EML6: variants seen among roughly 807,000 people sequenced by gnomAD.
EML6 encodes the protein EMAP like 6, also known as echinoderm microtubule-associated protein-like 6.
In EML6, 154 loss-of-function variants were observed where a neutral mutation model predicts 240.1. The ratio of observed to expected loss-of-function variants is 0.64; its 90% CI spans 0.56 to 0.73. EML6 has a LOEUF of 0.73. EML6 is among the 30% of genes least tolerant of loss of function. EML6 has a pLI of 0.00. For missense variants in EML6, 2,964 were observed against 2,474.6 expected (o/e 1.20, Z -4.20); for synonymous variants, 1,148 against 899.0 (o/e 1.28, Z -4.95).
At position 54,859,643 on chromosome 2, in the gene EML6, C is replaced by A; in HGVS notation, c.1767C>A (p.Phe589Leu). The change falls in exon 12 of 42, where the codon TTC (phenylalanine) becomes TTA (leucine). Residue 589 changes from phenylalanine (F) to leucine (L), a missense_variant. Physicochemically the swap from Phe to Leu is conservative, Grantham distance 22. Coordinates refer to ENST00000356458, the MANE Select transcript of EML6 (RefSeq NM_001039753.4). Reference protein sequence around the residue: ...LSTGGADHSVFQWRFIPEGVS... With the variant: ...LSTGGADHSVLQWRFIPEGVS... ...CAGGAGGGGCTGATCACTCAGTTTT[C>A]CAGTGGAGGTTTATTCCAGAAGGTG... 1 of 1,551,276 alleles carries A rather than the reference C, an allele frequency of 6.4e-7. No individual in the cohort carries two copies.
At chr2:54,814,809 T>C (rs542187536) in intron 3 of EML6, among the ~76,000 whole-genome samples, 1 of 152,248 alleles carries the variant, frequency 6.6e-6, no homozygotes, top group African/African-American at 2.4e-5. Context: ...ACTAGATTTA[T>C]TACATATGTA....
At chr2:54,840,262 C>G (rs150176824) in intron 7 of EML6, among the ~76,000 whole-genome samples, 1,739 of 151,150 alleles carry the variant, frequency 0.012, 26 homozygotes, top group African/African-American at 0.039. Context: ...GCCATGGATT[C>G]CAGACCTGCC....
At chr2:54,755,558 CT>C (rs1244928046) in intron 2 of EML6, among the ~76,000 whole-genome samples, 3 of 152,172 alleles carry the variant, frequency 2.0e-5, no homozygotes, top group Non-Finnish European at 4.4e-5. Context: ...TCTTATCCAT[CT>C]TTTGATGTTC....
At position 54,748,273 on chromosome 2, in the gene EML6, G is replaced by T. The variant is rs551656260; in HGVS notation, c.197+23015G>T. 5 of 152,242 alleles carry T rather than the reference G, an allele frequency of 3.3e-5. No homozygotes were observed. In the South Asian group the frequency reaches 1.0e-3, roughly 32 times the overall value. 9.4% of individuals were successfully genotyped at this position (152,242 alleles called of 1,614,324 possible). A position where few individuals can be genotyped will look rare whatever the true frequency, so the allele number is the denominator to read the frequency against. On this transcript the variant is annotated intron_variant, in intron 2 of 41. Transcript: ENST00000356458. Reference sequence around the variant, plus strand: ...CGAAAAGATTTGCCCCAGTACCTTTGGTGGGCATAATTTTTATATGATTCT... The same window carrying T: ...CGAAAAGATTTGCCCCAGTACCTTTTGTGGGCATAATTTTTATATGATTCT...
At chr2:54,793,225 C>T (rs1010864370) in intron 2 of EML6, among the ~76,000 whole-genome samples, 2 of 152,120 alleles carry the variant, frequency 1.3e-5, no homozygotes, top group African/African-American at 4.8e-5. Context: ...CAAATTTGCA[C>T]CACTGCATTC....
chr2:54,836,132 G>A lies in EML6; in HGVS notation c.847+6655G>A, dbSNP rs146649477. Among the ~76,000 whole-genome samples the A allele has an allele frequency of 3.7e-3, 570 of 152,294 alleles. 3 individuals are homozygous for A. Among genetic ancestry groups the A allele is most frequent in the African/African-American group, 0.013 (551 of 41,554 alleles). On this transcript the variant is annotated intron_variant, in intron 7 of 41. Transcript: ENST00000356458. ...TGCAGAGGCCCGAGCCTCAGGAGCT[G>A]GAGACAGATTTGCAGCCAGGAGATG...
chr2:54,827,536 T>G, intron 5 of EML6, 30 bp from the exon 6 acceptor site: 35 of 1,516,338 alleles, frequency 2.3e-5, no homozygotes, highest in Non-Finnish European at 2.9e-5. Flanking sequence ...TACTCTATCT[T>G]GGAGATCTAT....
At chr2:54,954,499 C>T (rs375501604) in intron 32 of EML6, among the ~76,000 whole-genome samples, 9 of 152,200 alleles carry the variant, frequency 5.9e-5, no homozygotes, top group African/African-American at 1.4e-4. Flanking sequence ...CCTTGTCTTC[C>T]GTGCTCTTTC....
At chr2:54,793,403 T>TTTG (rs1553379256) in intron 2 of EML6, among the ~76,000 whole-genome samples, 18 of 146,326 alleles carry the variant, frequency 1.2e-4, no homozygotes, top group Non-Finnish European at 2.1e-4. Flanking sequence ...TTTTTTTTTT[T>TTTG]GGGTCCCAGC....
intron 5 of EML6, among the ~76,000 whole-genome samples, chr2:54,821,274 C>A (rs530162415): frequency 6.6e-6 from 1 of 152,070 alleles, no homozygotes; most frequent in African/African-American, 2.4e-5. Context: ...TTTCACGATC[C>A]TTCCCATTAG....
intron 16 of EML6, among the ~76,000 whole-genome samples, chr2:54,874,268 G>A (rs981196791): frequency 6.6e-6 from 1 of 152,152 alleles, no homozygotes; most frequent in African/African-American, 2.4e-5. Context: ...GAAAGAACAA[G>A]AAATTAAGTG....
intron 26 of EML6, among the ~76,000 whole-genome samples, chr2:54,925,778 T>G (rs1383549688): frequency 6.6e-6 from 1 of 152,170 alleles, no homozygotes; most frequent in Non-Finnish European, 1.5e-5. Flanking sequence ...CAAATTCTGT[T>G]TTTTGACACC....
chr2:54,906,464 C>T (rs1287553661), intron 24 of EML6, among the ~76,000 whole-genome samples: 1 of 152,152 alleles, frequency 6.6e-6, no homozygotes, highest in South Asian at 2.1e-4. Flanking sequence ...AGAAGCAAAC[C>T]TCCCTATTTC....
At chr2:54,885,110 T>A (rs535599394) in intron 17 of EML6, among the ~76,000 whole-genome samples, 1 of 152,022 alleles carries the variant, frequency 6.6e-6, no homozygotes, top group Non-Finnish European at 1.5e-5. Flanking sequence ...TGAGCCCAGA[T>A]TGCGCCACTG....
chr2:54,957,684 G>A (rs1676294805), intron 32 of EML6, 106 bp from the exon 33 acceptor site: 1 of 953,340 alleles, frequency 1.0e-6, no homozygotes, highest in Non-Finnish European at 1.6e-6. Context: ...AAGAAGAACT[G>A]AGGCATGGCT....
At chr2:54,744,905 TACACACACACACACACACACACACACAC>T (rs56324677) in intron 2 of EML6, among the ~76,000 whole-genome samples, 58 of 107,300 alleles carry the variant, frequency 5.4e-4, no homozygotes, top group Non-Finnish European at 8.9e-4. Flanking sequence ...CACACACACG[TACACACACACACACACACACACACACAC>T]ACACACACAC....
intron 17 of EML6, among the ~76,000 whole-genome samples, chr2:54,886,309 G>T (rs1198678016): frequency 6.6e-6 from 1 of 151,636 alleles, no homozygotes; most frequent in Non-Finnish European, 1.5e-5. Flanking sequence ...GGGATTACAG[G>T]TGCCTGCCAC....
chr2:54,964,922 G>A (rs541802276), intron 38 of EML6, among the ~76,000 whole-genome samples, 189 bp downstream of exon 38: 89 of 152,282 alleles, frequency 5.8e-4, no homozygotes, highest in Non-Finnish European at 3.4e-4. Context: ...ATTTAAGAAC[G>A]TGGAGGAAAT....
intron 11 of EML6, among the ~76,000 whole-genome samples, chr2:54,855,458 G>GC (rs11297060): frequency 0.021 from 2,634 of 123,922 alleles, 76 homozygotes; most frequent in African/African-American, 0.069. Flanking sequence ...CTTCTACCAT[G>GC]CCCCCCCCCC....
Sources: allele counts gnomAD v4.1 joint callset (sites outside exome capture counted in the v4.1 genomes callset), GRCh38; gene constraint gnomAD v4.1.1; transcripts MANE v1.5; gene names NCBI Gene and HGNC (gene_info 2026-07-23, HGNC 2026-07-21).